Variants in SIRT2 observed in about 807,000 individuals in gnomAD.
SIRT2 encodes the protein NAD-dependent protein deacetylase sirtuin-2.
SIRT2 carries 40 observed loss-of-function variants against 57.4 expected under a neutral mutation model. The ratio of observed to expected loss-of-function variants is 0.70; its 90% confidence interval spans 0.54 to 0.91. The LOEUF (loss-of-function observed/expected upper bound fraction) is 0.91. Among genes scored for constraint, SIRT2 ranks in the 40% least tolerant of loss-of-function variants. The pLI, the probability that SIRT2 is intolerant of heterozygous loss-of-function variation, is 0.00. For synonymous variants in SIRT2, 161 were observed against 195.7 expected, an observed-to-expected ratio of 0.82 and a Z score of 1.48; for missense variants, 439 against 510.4, an observed-to-expected ratio of 0.86 and a Z score of 1.35.
rs759138961 is a variant in SIRT2, at chr19:38,889,848, C to T, written c.375+7G>A. 1.9e-6 allele frequency: 3 copies of T among 1,613,660 alleles called. No homozygotes were observed. Among genetic ancestry groups the T allele is most frequent in the Middle Eastern group, 3.3e-4 (2 of 6,062 alleles). On this transcript the variant is annotated splice_region_variant and intron_variant, in intron 6 of 15. Transcript: ENST00000249396. ...TCACAGACGCCCCTTCCTGGGGGAG[C>T]ACAAACCTTGAAATAGCTGATCTCA...
At chr19:38,889,566 T>G (rs1046350064) in intron 7 of SIRT2, 123 bp downstream of exon 7, 36 of 1,107,306 alleles carry the variant, frequency 3.3e-5, no homozygotes, top group Non-Finnish European at 4.0e-5. Flanking sequence ...CGAGGCAGTC[T>G]GGGCCCAGCA....
At chr19:38,894,389 C>T (rs56171433) in intron 2 of SIRT2, 2,626 of 201,484 alleles carry the variant, frequency 0.013, 30 homozygotes, top group South Asian at 0.025. Context: ...GGATTACAGG[C>T]GTGAGCCACT....
chr19:38,898,348 C>G (rs1325346079), intron 2 of SIRT2, 31 bp downstream of exon 2: 8 of 1,431,276 alleles, frequency 5.6e-6, no homozygotes, highest in Non-Finnish European at 7.4e-6. Flanking sequence ...GTCCGTCTCT[C>G]TCCTCCCCTC....
chr19:38,889,185 G>A (rs200675266), intron 7 of SIRT2, 30 bp from the exon 8 acceptor site: 26 of 1,601,750 alleles, frequency 1.6e-5, no homozygotes, highest in African/African-American at 1.5e-4. Context: ...CACTGCTGAC[G>A]ACTGCAGGGA....
At chr19:38,891,967 C>A in intron 4 of SIRT2, 1 of 468,268 alleles carries the variant, frequency 2.1e-6, no homozygotes, top group Non-Finnish European at 4.4e-6. Flanking sequence ...ACAGTGGCAG[C>A]TGGAGGACAG....
At chr19:38,898,342 G>C in intron 2 of SIRT2, 37 bp downstream of exon 2, 1 of 1,410,862 alleles carries the variant, frequency 7.1e-7, no homozygotes, top group Non-Finnish European at 9.4e-7. Flanking sequence ...GAACAAGTCC[G>C]TCTCTCTCCT....
chr19:38,889,803 G>A, intron 6 of SIRT2, 52 bp downstream of exon 6: 1 of 1,613,496 alleles, frequency 6.2e-7, no homozygotes, highest in Non-Finnish European at 8.5e-7. Flanking sequence ...GTTGGAGCCA[G>A]GTGACCCCAT....
intron 2 of SIRT2, chr19:38,894,146 G>A: frequency 2.0e-6 from 1 of 490,526 alleles, no homozygotes; most frequent in Non-Finnish European, 3.6e-6. Context: ...GCCCAGGCTG[G>A]AGTGCACTGG....
chr19:38,890,002 C>G (rs780975758), intron 5 of SIRT2, 41 bp from the exon 6 acceptor site: 63 of 1,610,956 alleles, frequency 3.9e-5, no homozygotes, highest in Non-Finnish European at 3.8e-5. Flanking sequence ...CTATACCATA[C>G]TAACCCTCCC....
At chr19:38,893,606 C>T in intron 3 of SIRT2, 79 bp from the exon 4 acceptor site, 1 of 1,225,680 alleles carries the variant, frequency 8.2e-7, no homozygotes, top group South Asian at 1.3e-5. Flanking sequence ...CTGGCCCCAG[C>T]CCTGGGGTTC....
chr19:38,898,477 A>G, intron 1 of SIRT2, 52 bp from the exon 2 acceptor site: 1 of 1,203,834 alleles, frequency 8.3e-7, no homozygotes, highest in Non-Finnish European at 1.1e-6. Context: ...TTAAGGGGGG[A>G]ATAAAGGGGT....
chr19:38,890,099 T>G lies in SIRT2; in HGVS notation c.268+4A>C, dbSNP rs949352781. On this transcript the variant is annotated splice_donor_region_variant and intron_variant, in intron 5 of 15. Coordinates refer to ENST00000249396, the MANE Select transcript of SIRT2 (RefSeq NM_012237.4). ...GTAGCTGCTGGGGGAGAAGGGTTAC[T>G]TACATGTGGAGATTCCAGCTCCCAC... The G allele has an allele frequency of 6.2e-7, 1 of 1,614,022 alleles. No homozygotes were observed. Among genetic ancestry groups the G allele is most frequent in the African/African-American group, 1.3e-5 (1 of 74,928 alleles).
rs763666706 is a variant in SIRT2, at chr19:38,879,168, T to A, written c.1157A>T (p.Glu386Val). 1.3e-6 allele frequency: 2 copies of A among 1,574,130 alleles called. No homozygotes were observed. Among genetic ancestry groups the A allele is most frequent in the Non-Finnish European group, 1.7e-6 (2 of 1,167,020 alleles). Residue 386 changes from glutamate to valine, a missense_variant, in exon 16 of 16, where the codon GAG (glutamate) becomes GTG (valine). Glu to Val is a moderately radical substitution (Grantham distance 121). Transcript: ENST00000249396. The part of the protein sequence containing the change: ...AKDEARTTER[E>V]KPQ ...GAGATGCAGCTGTCACTGGGGTTTC[T>A]CCCTCTCTGTTGTCCTGGCCTCGTC...
In SIRT2 at chr19:38,883,634, C is replaced by T; in HGVS notation, c.624G>A (p.Trp208Ter). 1 of 1,613,690 alleles carries T rather than the reference C, an allele frequency of 6.2e-7. No homozygotes were observed. The highest frequency in any genetic ancestry group is 1.1e-5 in the South Asian group (1 of 91,072). ...ASCRHEYPLS[W>*]MKEKIFSEVT... ...GATGCCCTCCAGCCTCACCTTTCAT[C>T]CAGCTTAGCGGGTATTCGTGCCGGC... The change falls in exon 9 of 16, where the codon TGG (tryptophan) becomes TGA (stop). Residue 208 changes from tryptophan to a stop codon, truncating the protein, a stop_gained. Coordinates refer to ENST00000249396, the MANE Select transcript of SIRT2 (RefSeq NM_012237.4). LOFTEE classifies it high-confidence loss of function.
chr19:38,894,004 C>G, intron 2 of SIRT2, 137 bp from the exon 3 acceptor site: 1 of 1,505,548 alleles, frequency 6.6e-7, no homozygotes, highest in Non-Finnish European at 8.9e-7. Flanking sequence ...AGAGACTGCA[C>G]TGGGGCTAGC....
At position 38,879,732 on chromosome 19, in the gene SIRT2, G is replaced by C. The variant is rs1328773192; in HGVS notation, c.877-30C>G. 9 of 1,530,874 alleles carry C rather than the reference G, an allele frequency of 5.9e-6. 1 individual carries two copies. In the South Asian group the frequency reaches 9.6e-5, roughly 16 times the overall value. 94.8% of individuals were successfully genotyped at this position (1,530,874 alleles called of 1,614,324 possible). ...CAGGGAGGGGGTGGGTCAGGGGCAGGAGCAGGGAAGGGAGAGCTAAGAGCA... is the reference window on the plus strand; with the variant it reads ...CAGGGAGGGGGTGGGTCAGGGGCAGCAGCAGGGAAGGGAGAGCTAAGAGCA... On this transcript the variant is annotated intron_variant, in intron 13 of 15. Transcript: ENST00000249396.
chr19:38,897,794 G>A (rs1486282770), intron 2 of SIRT2, among the ~76,000 whole-genome samples: 1 of 152,116 alleles, frequency 6.6e-6, no homozygotes, highest in African/African-American at 2.4e-5. Context: ...CCAAAGTACT[G>A]GGATTACAAG....
chr19:38,880,352 GA>G lies in SIRT2; in HGVS notation c.876+332del, dbSNP rs1283321696. On this transcript the variant is annotated intron_variant, in intron 13 of 15. Transcript: ENST00000249396. The surrounding 1 kb of genome is among the most constrained non-coding windows in gnomAD (Gnocchi z 4.1). ...CCTGCCCTAGAGTGAGGCTGCCCAG[GA>G]AAAACAGACCTGAGAGACCCAGAGC... The G allele has an allele frequency of 3.4e-6, 1 of 295,856 alleles. No homozygotes were observed. Among genetic ancestry groups the G allele is most frequent in the Admixed American group, 4.7e-5 (1 of 21,426 alleles). The allele number at this position is 295,856 out of a possible 1,614,324, so 18.3% of individuals were successfully genotyped here. A position where few individuals can be genotyped will look rare whatever the true frequency, so the allele number is the denominator to read the frequency against.
At chr19:38,898,580 G>A (rs1158207790) in intron 1 of SIRT2, 155 bp from the exon 2 acceptor site, 5 of 416,838 alleles carry the variant, frequency 1.2e-5, no homozygotes, top group East Asian at 7.0e-5. Flanking sequence ...GGGAGGGGAC[G>A]GAGAAAAGAT....
Sources: gnomAD v4.1 joint callset for allele counts (sites outside exome capture counted in the v4.1 genomes callset) on GRCh38, gnomAD v4.1.1 for gene constraint, Gnocchi (gnomAD v3.1) non-coding constraint, MANE v1.5 for transcripts, NCBI Gene and HGNC (gene_info 2026-07-23, HGNC 2026-07-21) for gene names.